Variants in CSMD1 observed in about 807,000 individuals in gnomAD.
CSMD1 encodes the protein CUB and sushi domain-containing protein 1.
CSMD1 carries 213 observed loss-of-function variants against 417.5 expected under a neutral mutation model. That is an observed-to-expected ratio of 0.51 (90% CI 0.46 to 0.57). The LOEUF (loss-of-function observed/expected upper bound fraction) is 0.57. CSMD1 is among the 20% of genes least tolerant of loss of function. The pLI is 0.00. For synonymous variants in CSMD1, 2,862 were observed against 1,736.8 expected, an observed-to-expected ratio of 1.65 and a Z score of -16.11; for missense variants, 6,923 against 4,529.7, an observed-to-expected ratio of 1.53 and a Z score of -15.17.
At chr8:4,763,863 G>T (rs191328903) in intron 1 of CSMD1, among the ~76,000 whole-genome samples, 1 of 152,152 alleles carries the variant, frequency 6.6e-6, no homozygotes, top group African/African-American at 2.4e-5. Flanking sequence ...TGAACGGAAA[G>T]AAAACTAAAA....
At chr8:4,322,590 T>C (rs1799332458) in intron 3 of CSMD1, among the ~76,000 whole-genome samples, 2 of 152,170 alleles carry the variant, frequency 1.3e-5, no homozygotes, top group South Asian at 4.1e-4. Flanking sequence ...AATTTCAACA[T>C]AAAAGACATG....
At chr8:4,235,874 GC>G (rs1196084932) in intron 3 of CSMD1, among the ~76,000 whole-genome samples, 4 of 152,152 alleles carry the variant, frequency 2.6e-5, no homozygotes, top group Non-Finnish European at 5.9e-5. Context: ...CTGAGGAATA[GC>G]GGAACCGGCT....
intron 50 of CSMD1, among the ~76,000 whole-genome samples, chr8:3,033,871 G>C (rs771548365): frequency 3.3e-5 from 5 of 152,194 alleles, no homozygotes; most frequent in African/African-American, 4.8e-5. Context: ...ACCTCACTCA[G>C]TACACAGCAA....
chr8:4,129,076 A>C (rs1802936325), intron 3 of CSMD1, among the ~76,000 whole-genome samples: 1 of 19,694 alleles, frequency 5.1e-5, no homozygotes, highest in East Asian at 2.6e-3. Flanking sequence ...GTCCAACTCA[A>C]AAAAAAAAAA....
At chr8:3,275,464 G>A (rs1258183940) in intron 26 of CSMD1, among the ~76,000 whole-genome samples, 1 of 152,114 alleles carries the variant, frequency 6.6e-6, no homozygotes. Context: ...TCCTGAATGT[G>A]AATGTTGACC....
At chr8:3,377,086 G>T (rs983080696) in intron 18 of CSMD1, among the ~76,000 whole-genome samples, 3 of 152,168 alleles carry the variant, frequency 2.0e-5, no homozygotes, top group Non-Finnish European at 2.9e-5. Context: ...TTGGCTCTCT[G>T]CAGCCTTGAC....
At chr8:4,907,724 ATT>A (rs33995355) in intron 1 of CSMD1, among the ~76,000 whole-genome samples, 68 of 147,122 alleles carry the variant, frequency 4.6e-4, no homozygotes, top group Middle Eastern at 3.6e-3. Flanking sequence ...ATCCCCGGCA[ATT>A]TTTTTTTTTT....
intron 25 of CSMD1, among the ~76,000 whole-genome samples, chr8:3,299,551 C>T (rs997785932): frequency 2.5e-5 from 3 of 121,640 alleles, no homozygotes; most frequent in African/African-American, 9.1e-5. Flanking sequence ...CGCACAGTGT[C>T]CCAAGGTCTG....
intron 1 of CSMD1, among the ~76,000 whole-genome samples, chr8:4,875,463 A>T (rs879544638): frequency 2.6e-5 from 4 of 152,052 alleles, no homozygotes; most frequent in Admixed American, 6.5e-5. Flanking sequence ...AAGCCATTTT[A>T]CATGTTTGGA....
intron 5 of CSMD1, among the ~76,000 whole-genome samples, chr8:3,969,565 T>C (rs1254355671): frequency 1.3e-5 from 2 of 152,220 alleles, no homozygotes; most frequent in African/African-American, 4.8e-5. Context: ...CATCAGAAAA[T>C]AGGTGACGGC....
At chr8:4,874,675 T>C (rs140377725) in intron 1 of CSMD1, among the ~76,000 whole-genome samples, 2 of 152,004 alleles carry the variant, frequency 1.3e-5, no homozygotes, top group African/African-American at 4.8e-5. Context: ...AGTTGGCATC[T>C]TATGTAGAAT....
intron 17 of CSMD1, among the ~76,000 whole-genome samples, chr8:3,395,820 C>G (rs1212948840): frequency 6.6e-6 from 1 of 152,108 alleles, no homozygotes; most frequent in Non-Finnish European, 1.5e-5. Flanking sequence ...GGATCCTTTT[C>G]TCCATTGCCC....
intron 5 of CSMD1, among the ~76,000 whole-genome samples, chr8:3,970,466 G>A (rs570877539): frequency 1.3e-5 from 2 of 152,128 alleles, no homozygotes; most frequent in Non-Finnish European, 2.9e-5. Context: ...TGTCTCTTCT[G>A]TAAACCAGAA....
chr8:3,483,577 A>C (rs578089009), intron 11 of CSMD1, among the ~76,000 whole-genome samples: 178 of 152,268 alleles, frequency 1.2e-3, no homozygotes, highest in Non-Finnish European at 1.3e-3. Flanking sequence ...AGATTTCATA[A>C]ACTCTTGCAG....
At chr8:4,679,448 G>C (rs1430900615) in intron 1 of CSMD1, among the ~76,000 whole-genome samples, 3 of 152,106 alleles carry the variant, frequency 2.0e-5, no homozygotes, top group Non-Finnish European at 2.9e-5. Context: ...TTTATTTTTA[G>C]ACTAGTCATC....
intron 1 of CSMD1, among the ~76,000 whole-genome samples, chr8:4,773,344 G>T (rs909325161): frequency 3.3e-5 from 5 of 152,096 alleles, no homozygotes; most frequent in African/African-American, 1.2e-4. Context: ...TCACTGACTG[G>T]TGGCTTTTTG....
rs150438566 is a variant in CSMD1, at chr8:3,379,148, T to C, written c.2782+8346A>G. On this transcript the variant is annotated intron_variant, in intron 18 of 69. Transcript: ENST00000635120. The stretch of plus-strand genomic sequence containing the variant: ...ATCAAGAATGAACTCCCATTCACAA[T>C]TGCTACAAAGAGAATAAAATGCTGA... 1.8e-4 allele frequency among the ~76,000 whole-genome samples: 27 copies of C among 152,252 alleles called. No individual in the cohort carries two copies. The East Asian group carries it at 3.3e-3, about 19-fold the overall frequency.
At chr8:3,248,926 T>A (rs763274243) in intron 26 of CSMD1, among the ~76,000 whole-genome samples, 2 of 152,096 alleles carry the variant, frequency 1.3e-5, no homozygotes, top group East Asian at 3.9e-4. Context: ...TCCCTGACCT[T>A]TTCTAGTCAG....
intron 5 of CSMD1, among the ~76,000 whole-genome samples, chr8:3,986,759 A>ATCT (rs1814350550): frequency 6.6e-6 from 1 of 151,464 alleles, no homozygotes; most frequent in East Asian, 2.0e-4. Context: ...TGTTTAAGTG[A>ATCT]TTTTTCTTTT....
Sources: gnomAD v4.1 joint callset for allele counts (sites outside exome capture counted in the v4.1 genomes callset) on GRCh38, gnomAD v4.1.1 for gene constraint, MANE v1.5 for transcripts, NCBI Gene and HGNC (gene_info 2026-07-23, HGNC 2026-07-21) for gene names.